Variants in PITPNM2 observed in about 807,000 individuals in gnomAD.
PITPNM2 encodes the protein phosphatidylinositol transfer protein membrane associated 2.
PITPNM2 carries 35 observed loss-of-function variants against 132.2 expected under a neutral mutation model. The observed-to-expected ratio is 0.26, with a 90% CI of 0.20 to 0.35. The LOEUF (loss-of-function observed/expected upper bound fraction) is 0.35. Ranked by LOEUF, PITPNM2 falls within the 10% of genes least tolerant of loss-of-function variation. The pLI, the probability that PITPNM2 is intolerant of heterozygous loss-of-function variation, is 1.00. For synonymous variants in PITPNM2, 738 were observed against 799.2 expected (o/e 0.92, Z 1.29); for missense variants, 1,332 against 1,912.0 (o/e 0.70, Z 5.66).
At chr12:123,033,711 T>A (rs1345945811) in intron 3 of PITPNM2, among the ~76,000 whole-genome samples, 1 of 152,126 alleles carries the variant, frequency 6.6e-6, no homozygotes, top group Non-Finnish European at 1.5e-5. Context: ...ATGGACTGAA[T>A]GTCTCTGTCC....
At chr12:123,070,448 G>A (rs1435585267) in intron 2 of PITPNM2, among the ~76,000 whole-genome samples, 2 of 152,202 alleles carry the variant, frequency 1.3e-5, no homozygotes, top group Non-Finnish European at 2.9e-5. Flanking sequence ...AGGGCCTCAT[G>A]GCAGGCATTC....
rs1170397011 is a variant in PITPNM2 at position 123,128,264 on chromosome 12, C to CAAAAAAAAAAAAAAAAAAAA, written c.-199-17796_-199-17777dup. Among the ~76,000 whole-genome samples, 2 of 22,752 alleles carry CAAAAAAAAAAAAAAAAAAAA rather than the reference C, an allele frequency of 8.8e-5. 1 individual carries two copies. The highest frequency in any genetic ancestry group is 4.5e-4 in the African/African-American group (2 of 4,462). 14.9% of individuals were successfully genotyped at this position (22,752 alleles called of 152,430 possible). On this transcript the variant is annotated intron_variant, in intron 1 of 25. Transcript: ENST00000320201. ...TAAACATGGCGAAACCCCATCTCTA[C>CAAAAAAAAAAAAAAAAAAAA]AAAAAAAAAAAAAAAAAAAAAAAAA... is the stretch of plus-strand genomic sequence containing the variant.
chr12:123,141,105 T>C (rs1227978805), intron 1 of PITPNM2, among the ~76,000 whole-genome samples: 1 of 151,978 alleles, frequency 6.6e-6, no homozygotes, highest in Non-Finnish European at 1.5e-5. Flanking sequence ...AGCATGAACA[T>C]GAGGGATCAG....
At chr12:123,146,937 C>T (rs1317660020) in intron 1 of PITPNM2, among the ~76,000 whole-genome samples, 6 of 152,200 alleles carry the variant, frequency 3.9e-5, no homozygotes, top group Admixed American at 3.9e-4. Flanking sequence ...CCTCCCAGCT[C>T]CAGTCTTCTG....
rs1189639131 is a variant in PITPNM2, at chr12:122,993,770, T to TG, written c.2233+1030dup. Among the ~76,000 whole-genome samples the TG allele has an allele frequency of 6.6e-6, 1 of 152,246 alleles. No homozygotes were observed. The highest frequency in any genetic ancestry group is 2.1e-4 in the South Asian group (1 of 4,832). On this transcript the variant is annotated intron_variant, in intron 15 of 25. Transcript: ENST00000320201. This position sits in a 1 kb window ranked among gnomAD's most constrained non-coding sequence, Gnocchi z 5.2. ...CCCTCCATGGGGCTGCCTTGGTTGT[T>TG]GGGGTCCCCTTAAAGCTACCCATTT...
intron 1 of PITPNM2, among the ~76,000 whole-genome samples, chr12:123,128,582 C>T (rs2043198109): frequency 1.3e-5 from 2 of 151,218 alleles, no homozygotes; most frequent in Non-Finnish European, 2.9e-5. Context: ...TGAAACCCCG[C>T]CTCTACTAAA....
chr12:122,995,364 G>GCCCCAGCC, intron 14 of PITPNM2, 25 bp downstream of exon 14: 1 of 1,561,042 alleles, frequency 6.4e-7, no homozygotes, highest in East Asian at 2.3e-5. Context: ...CCAGAGGCAA[G>GCCCCAGCC]CCCCAGCCCC....
At chr12:123,055,969 T>A (rs1446167662) in intron 2 of PITPNM2, among the ~76,000 whole-genome samples, 1 of 152,182 alleles carries the variant, frequency 6.6e-6, no homozygotes, top group Non-Finnish European at 1.5e-5. Flanking sequence ...CACCTTTTTA[T>A]GATGTGTTCA....
In PITPNM2 at chr12:123,117,962, C is replaced by CA. The variant is rs2042962711; in HGVS notation, c.-199-7475dup. Reference sequence around the variant, plus strand: ...TACCAGCCAGCTGACTGCACAGATTCACTGGAGAACTCCAGGGGAGCCCCA... The same window carrying CA: ...TACCAGCCAGCTGACTGCACAGATTCAACTGGAGAACTCCAGGGGAGCCCCA... On this transcript the variant is annotated intron_variant, in intron 1 of 25. Coordinates refer to ENST00000320201, the MANE Select transcript of PITPNM2 (RefSeq NM_020845.3). This position sits in a 1 kb window ranked among gnomAD's most constrained non-coding sequence, Gnocchi z 4.7. Among the ~76,000 whole-genome samples, 1 of 152,200 alleles carries CA rather than the reference C, an allele frequency of 6.6e-6. No homozygotes were observed. Among genetic ancestry groups the CA allele is most frequent in the Non-Finnish European group, 1.5e-5 (1 of 68,036 alleles).
At chr12:123,123,935 CA>C (rs74682441) in intron 1 of PITPNM2, among the ~76,000 whole-genome samples, 12,951 of 111,602 alleles carry the variant, frequency 0.12, 824 homozygotes, top group African/African-American at 0.23. Flanking sequence ...GATTCTGCCT[CA>C]AAAAAAAAAA....
chr12:123,151,046 A>ACGCCGCGG lies in PITPNM2; in HGVS notation c.-501_-494dup, dbSNP rs990435613. Among the ~76,000 whole-genome samples the ACGCCGCGG allele has an allele frequency of 2.8e-5, 4 of 142,338 alleles. No individual in the cohort carries two copies. The highest frequency in any genetic ancestry group is 1.4e-4 in the Admixed American group (2 of 14,442). The allele number at this position is 142,338 out of a possible 152,430, so 93.4% of individuals were successfully genotyped here. A position where few individuals can be genotyped will look rare whatever the true frequency, so the allele number is the denominator to read the frequency against. On this transcript the variant is annotated 5_prime_UTR_variant, in exon 1 of 26. Coordinates refer to ENST00000320201, the MANE Select transcript of PITPNM2 (RefSeq NM_020845.3). ...CGGCCGGGGCCGGCTGGACAGCTCTACGCCGCGGCGCCGCGGTGCCCCGCG... is the reference window on the plus strand; with the variant it reads ...CGGCCGGGGCCGGCTGGACAGCTCTACGCCGCGGCGCCGCGGCGCCGCGGTGCCCCGCG...
intron 3 of PITPNM2, among the ~76,000 whole-genome samples, chr12:123,033,965 A>G (rs1474662468): frequency 6.6e-6 from 1 of 152,208 alleles, no homozygotes. Context: ...CTATACATTT[A>G]CACAAATAAA....
intron 17 of PITPNM2, 76 bp from the exon 18 acceptor site, chr12:122,990,024 G>A: frequency 8.5e-7 from 1 of 1,169,868 alleles, no homozygotes; most frequent in Non-Finnish European, 1.1e-6. Context: ...GGCCAGGCAG[G>A]ACACTGGGAC....
At chr12:122,997,035 G>T in intron 11 of PITPNM2, 125 bp from the exon 12 acceptor site, 2 of 1,055,154 alleles carry the variant, frequency 1.9e-6, no homozygotes, top group Non-Finnish European at 2.7e-6. Flanking sequence ...CCCGGCCAGG[G>T]CCTGGATAGG....
intron 1 of PITPNM2, among the ~76,000 whole-genome samples, chr12:123,116,557 G>T (rs1264350991): frequency 6.6e-6 from 1 of 151,696 alleles, no homozygotes; most frequent in African/African-American, 2.4e-5. Flanking sequence ...GCCGAAGCAG[G>T]AGAATTGCTT....
In PITPNM2 at chr12:123,058,543, T is replaced by C. The variant is rs1475501044; in HGVS notation, c.-95-23858A>G. Among the ~76,000 whole-genome samples, 1 of 152,108 alleles carries C rather than the reference T, an allele frequency of 6.6e-6. No homozygotes were observed. Among genetic ancestry groups the C allele is most frequent in the East Asian group, 1.9e-4 (1 of 5,190 alleles). Reference sequence around the variant, plus strand: ...CCCCACCCACAGCCTCTCCAGGGCCTCTCTCACTCCACCATTCACCTGCTG... The same window carrying C: ...CCCCACCCACAGCCTCTCCAGGGCCCCTCTCACTCCACCATTCACCTGCTG... On this transcript the variant is annotated intron_variant, in intron 2 of 25. Transcript: ENST00000320201. This position sits in a 1 kb window ranked among gnomAD's most constrained non-coding sequence, Gnocchi z 4.0.
chr12:123,067,937 T>C (rs2041482596), intron 2 of PITPNM2, among the ~76,000 whole-genome samples: 2 of 152,150 alleles, frequency 1.3e-5, no homozygotes, highest in Admixed American at 1.3e-4. Flanking sequence ...AGGCAGCCTG[T>C]CACCAGGCTG....
chr12:122,984,912 T>C lies in PITPNM2; in HGVS notation c.*1115A>G, dbSNP rs1340145385. 1 of 152,266 alleles carries C rather than the reference T, an allele frequency of 6.6e-6. No individual in the cohort carries two copies. Among genetic ancestry groups the C allele is most frequent in the Non-Finnish European group, 1.5e-5 (1 of 68,054 alleles). The allele number at this position is 152,266 out of a possible 1,614,324, so 9.4% of individuals were successfully genotyped here. Reference sequence around the variant, plus strand: ...CTTGTTCAGGCGAGAAATGAAGTCATGGCTGCCTGCCCTGAAGCTGACAAA... The same window carrying C: ...CTTGTTCAGGCGAGAAATGAAGTCACGGCTGCCTGCCCTGAAGCTGACAAA... On this transcript the variant is annotated 3_prime_UTR_variant, in exon 26 of 26. Transcript: ENST00000320201.
chr12:122,989,759 A>C, intron 18 of PITPNM2, 28 bp downstream of exon 18: 1 of 1,361,040 alleles, frequency 7.3e-7, no homozygotes. Flanking sequence ...AGTGACCCCC[A>C]GTGAGGGGAA....
Sources: allele counts gnomAD v4.1 joint callset (sites outside exome capture counted in the v4.1 genomes callset), GRCh38; gene constraint gnomAD v4.1.1; non-coding constraint Gnocchi (gnomAD v3.1); transcripts MANE v1.5; gene names NCBI Gene and HGNC (gene_info 2026-07-23, HGNC 2026-07-21).